B4GALNT2: variants seen among roughly 807,000 people sequenced by gnomAD.
B4GALNT2 encodes the protein beta-1,4-N-acetyl-galactosaminyltransferase 2 (SID blood group).
A neutral mutation model predicts 51.1 loss-of-function variants in B4GALNT2; 42 were observed. That is an observed-to-expected ratio of 0.82 (90% CI 0.64 to 1.06). The LOEUF (loss-of-function observed/expected upper bound fraction) is 1.06. Among genes scored for constraint, B4GALNT2 ranks in the 50% least tolerant of loss-of-function variants. B4GALNT2 has a pLI of 0.00. For missense variants in B4GALNT2, 602 were observed against 633.6 expected, an observed-to-expected ratio of 0.95 and a Z score of 0.54; for synonymous variants, 253 against 251.7, an observed-to-expected ratio of 1.01 and a Z score of -0.05.
At chr17:49,163,751 C>T (rs569858870) in intron 7 of B4GALNT2, among the ~76,000 whole-genome samples, 13 of 96,530 alleles carry the variant, frequency 1.3e-4, no homozygotes, top group African/African-American at 5.2e-4. Flanking sequence ...GGCAAAACTC[C>T]GTATCAAAAA....
chr17:49,139,090 T>C (rs2042616427), intron 1 of B4GALNT2, among the ~76,000 whole-genome samples: 1 of 152,190 alleles, frequency 6.6e-6, no homozygotes, highest in Non-Finnish European at 1.5e-5. Context: ...GCTTCTCACC[T>C]CATACATTTT....
In B4GALNT2 at chr17:49,141,397, G is replaced by A; in HGVS notation, c.165G>A (p.Lys55=). ...CTGCCCCGGGTGTCCAGAAGCTGAA[G>A]CTTCTGCCTGAGGAACGTCTCAGGA... The part of the protein sequence containing the change: ...PSPAPGVQKL[K]LLPEERLRNL... Residue 55 remains lysine (K), a synonymous_variant, in exon 2 of 11, where the codon AAG becomes AAA. Transcript: ENST00000393354. 6.2e-7 allele frequency: 1 copy of A among 1,614,172 alleles called. No individual in the cohort carries two copies. Among genetic ancestry groups the A allele is most frequent in the Non-Finnish European group, 8.5e-7 (1 of 1,180,024 alleles).
At chr17:49,150,871 G>A (rs147171477) in intron 3 of B4GALNT2, among the ~76,000 whole-genome samples, 2 of 150,290 alleles carry the variant, frequency 1.3e-5, no homozygotes, top group Non-Finnish European at 1.5e-5. Flanking sequence ...CTATTGTCCT[G>A]TGAACCTGCC....
chr17:49,120,832 G>T, the B4GALNT2 span, among the ~76,000 whole-genome samples: 1 of 151,952 alleles, frequency 6.6e-6, no homozygotes, highest in Admixed American at 6.6e-5. Context: ...TTGAAGACAG[G>T]GAAAATAGCA....
At position 49,169,572 on chromosome 17, in the gene B4GALNT2, A is replaced by G; in HGVS notation, c.1365A>G (p.Glu455=). Residue 455 remains glutamate, a synonymous_variant, in exon 11 of 11, where the codon GAA becomes GAG. Transcript: ENST00000393354. ...LGTLLVGSCP[E]VIIGHQSRSP... ...CCCTACTCGTGGGGTCATGCCCAGA[A>G]GTGATTATAGGTCACCAGTCTCGGT... The G allele has an allele frequency of 3.1e-6, 5 of 1,612,862 alleles. No homozygotes were observed. The highest frequency in any genetic ancestry group is 4.2e-6 in the Non-Finnish European group (5 of 1,180,026).
upstream of B4GALNT2, among the ~76,000 whole-genome samples, chr17:49,128,355 G>A (rs1477863623): frequency 1.3e-5 from 2 of 152,192 alleles, no homozygotes; most frequent in Admixed American, 6.5e-5. Context: ...AGGCTTGCGG[G>A]CAGGAGGGGC....
the B4GALNT2 span, among the ~76,000 whole-genome samples, chr17:49,124,317 G>A: frequency 2.6e-5 from 4 of 152,118 alleles, no homozygotes; most frequent in East Asian, 5.8e-4. Flanking sequence ...TTATCAAAAA[G>A]CTGCATTCAA....
rs760068943 is a variant in B4GALNT2 at position 49,156,621 on chromosome 17, C to T, written c.498+18C>T. On this transcript the variant is annotated intron_variant, in intron 5 of 10. Coordinates refer to ENST00000393354, the MANE Select transcript of B4GALNT2 (RefSeq NM_001159387.2). ...TCTATGAGGTGAGTCCTTCTCCCAG[C>T]CCCTCTTTGCACTTGGTGTCCTGTC... is the stretch of plus-strand genomic sequence containing the variant. 2 of 1,612,756 alleles carry T rather than the reference C, an allele frequency of 1.2e-6. No homozygotes were observed. Among genetic ancestry groups the T allele is most frequent in the Non-Finnish European group, 1.7e-6 (2 of 1,179,268 alleles).
chr17:49,142,200 T>C (rs759649122), intron 3 of B4GALNT2, 28 bp downstream of exon 3: 3 of 1,613,108 alleles, frequency 1.9e-6, no homozygotes, highest in Non-Finnish European at 2.5e-6. Flanking sequence ...GGCCCTTGGG[T>C]TCTGAGATGG....
chr17:49,126,510 A>AAC, the B4GALNT2 span, among the ~76,000 whole-genome samples: 22 of 151,164 alleles, frequency 1.5e-4, no homozygotes, highest in African/African-American at 3.2e-4. Context: ...AAAAAAAAAA[A>AAC]AACAAACTCC....
chr17:49,127,909 C>A (rs1381500015), upstream of B4GALNT2, among the ~76,000 whole-genome samples: 2 of 152,124 alleles, frequency 1.3e-5, no homozygotes, highest in Non-Finnish European at 2.9e-5. Context: ...CCAAGAATGG[C>A]AAGACAGAGT....
the B4GALNT2 span, among the ~76,000 whole-genome samples, chr17:49,120,959 G>A: frequency 6.6e-6 from 1 of 152,108 alleles, no homozygotes; most frequent in Non-Finnish European, 1.5e-5. Flanking sequence ...TCATCCTTGA[G>A]CAAGTGACAC....
rs1292907157 is a variant in B4GALNT2, at chr17:49,172,899, G to A, written c.*3171G>A. 2.0e-5 allele frequency: 3 copies of A among 152,206 alleles called. No individual in the cohort carries two copies. The highest frequency in any genetic ancestry group is 7.2e-5 in the African/African-American group (3 of 41,462). 9.4% of individuals were successfully genotyped at this position (152,206 alleles called of 1,614,324 possible). On this transcript the variant is annotated 3_prime_UTR_variant, in exon 11 of 11. Coordinates refer to ENST00000393354, the MANE Select transcript of B4GALNT2 (RefSeq NM_001159387.2). ...ACATGTGTGACATCCATTTGCCAAAGAGAATTAGGTTCCAATCCTTGAGGA... is the reference window on the plus strand; with the variant it reads ...ACATGTGTGACATCCATTTGCCAAAAAGAATTAGGTTCCAATCCTTGAGGA...
At chr17:49,140,360 G>A (rs563372108) in intron 1 of B4GALNT2, among the ~76,000 whole-genome samples, 5 of 152,058 alleles carry the variant, frequency 3.3e-5, no homozygotes, top group South Asian at 4.2e-4. Context: ...TTGGCCTCCC[G>A]AAGTGCTGGG....
the B4GALNT2 span, among the ~76,000 whole-genome samples, chr17:49,123,296 T>G: frequency 6.6e-6 from 1 of 152,222 alleles, no homozygotes; most frequent in South Asian, 2.1e-4. Context: ...GGTTGGAGGC[T>G]TATAGGCAGC....
At chr17:49,150,611 C>CTG (rs1356097878) in intron 3 of B4GALNT2, among the ~76,000 whole-genome samples, 1 of 151,740 alleles carries the variant, frequency 6.6e-6, no homozygotes, top group East Asian at 2.0e-4. Context: ...TCCTGTTGAT[C>CTG]TGTGACCTTA....
At chr17:49,126,840 A>G in the B4GALNT2 span, among the ~76,000 whole-genome samples, 21 of 151,996 alleles carry the variant, frequency 1.4e-4, no homozygotes, top group African/African-American at 4.8e-4. Flanking sequence ...CTGGGACTAT[A>G]GGTACGTGCC....
the B4GALNT2 span, among the ~76,000 whole-genome samples, chr17:49,120,905 C>G: frequency 6.6e-6 from 1 of 152,086 alleles, no homozygotes; most frequent in Non-Finnish European, 1.5e-5. Context: ...TTAGAACCTT[C>G]CCCACGATTG....
chr17:49,152,777 C>A, intron 3 of B4GALNT2, 23 bp from the exon 4 acceptor site: 2 of 1,521,838 alleles, frequency 1.3e-6, no homozygotes, highest in Non-Finnish European at 1.8e-6. Flanking sequence ...CAGCTGCTGA[C>A]GTTTCTGTTC....
Sources: gnomAD v4.1 joint callset for allele counts (sites outside exome capture counted in the v4.1 genomes callset) on GRCh38, gnomAD v4.1.1 for gene constraint, MANE v1.5 for transcripts, NCBI Gene and HGNC (gene_info 2026-07-23, HGNC 2026-07-21) for gene names.